The following SGCZ variants were observed in gnomAD, a reference collection of about 807,000 sequenced individuals.
The protein encoded by SGCZ is sarcoglycan zeta, also known as zeta-sarcoglycan.
A neutral mutation model predicts 41.3 loss-of-function variants in SGCZ; 40 were observed. The ratio of observed to expected loss-of-function variants is 0.97; its 90% CI spans 0.75 to 1.26. The LOEUF (loss-of-function observed/expected upper bound fraction) is 1.26, where lower values mean the gene tolerates loss of function less well. SGCZ is among the 50% of genes most tolerant of loss of function. The pLI is 0.00. For missense variants in SGCZ, 552 were observed against 369.8 expected, an observed-to-expected ratio of 1.49 and a Z score of -4.04; for synonymous variants, 206 against 137.5, an observed-to-expected ratio of 1.50 and a Z score of -3.49.
chr8:14,566,018 G>A (rs1352670927), intron 1 of SGCZ, among the ~76,000 whole-genome samples: 5 of 151,986 alleles, frequency 3.3e-5, no homozygotes, highest in African/African-American at 4.8e-5. Flanking sequence ...TGGGAAATTC[G>A]TTCTGCTTTG....
intron 1 of SGCZ, among the ~76,000 whole-genome samples, chr8:14,630,401 G>C (rs1213917445): frequency 6.6e-6 from 1 of 151,936 alleles, no homozygotes; most frequent in Non-Finnish European, 1.5e-5. Context: ...TGGAGAAATA[G>C]GAAGATTTTT....
chr8:14,513,931 A>C (rs953960520), intron 2 of SGCZ, among the ~76,000 whole-genome samples: 2 of 152,104 alleles, frequency 1.3e-5, no homozygotes, highest in Non-Finnish European at 2.9e-5. Context: ...ATGGTCTTGA[A>C]AGACCCAGCC....
chr8:14,221,195 G>T (rs1461924472), intron 4 of SGCZ, among the ~76,000 whole-genome samples: 2 of 152,180 alleles, frequency 1.3e-5, no homozygotes, highest in Non-Finnish European at 2.9e-5. Flanking sequence ...AAGCATATGT[G>T]TATGTGTGTG....
intron 4 of SGCZ, among the ~76,000 whole-genome samples, chr8:14,168,744 G>A (rs1478025): frequency 1.3e-5 from 2 of 152,028 alleles, no homozygotes; most frequent in African/African-American, 4.8e-5. Context: ...CCCTATGCTA[G>A]TCATTAAGAA....
At chr8:14,263,607 A>C (rs978133986) in intron 3 of SGCZ, among the ~76,000 whole-genome samples, 1 of 152,114 alleles carries the variant, frequency 6.6e-6, no homozygotes, top group Non-Finnish European at 1.5e-5. Context: ...AAAAATCAGC[A>C]AAGAAGAGGC....
intron 2 of SGCZ, among the ~76,000 whole-genome samples, chr8:14,399,001 A>G (rs1228424630): frequency 6.6e-6 from 1 of 152,124 alleles, no homozygotes; most frequent in Non-Finnish European, 1.5e-5. Flanking sequence ...ACTTGAAATT[A>G]TTAACAATTT....
chr8:14,907,300 T>A (rs1799149961), intron 1 of SGCZ, among the ~76,000 whole-genome samples: 1 of 152,042 alleles, frequency 6.6e-6, no homozygotes, highest in Non-Finnish European at 1.5e-5. Flanking sequence ...CCTCAAGGGA[T>A]CCTCTCACCT....
At chr8:14,758,272 T>A (rs931292902) in intron 1 of SGCZ, among the ~76,000 whole-genome samples, 1 of 152,206 alleles carries the variant, frequency 6.6e-6, no homozygotes, top group African/African-American at 2.4e-5. Flanking sequence ...ATGGTGCATA[T>A]AAGAGTGAGG....
intron 1 of SGCZ, among the ~76,000 whole-genome samples, chr8:14,792,693 A>T (rs1800994678): frequency 6.6e-6 from 1 of 152,004 alleles, no homozygotes. Flanking sequence ...CATTAGGTAT[A>T]TGTCCTAATG....
chr8:14,724,215 T>C (rs1053310254), intron 1 of SGCZ, among the ~76,000 whole-genome samples: 8 of 152,040 alleles, frequency 5.3e-5, no homozygotes, highest in Non-Finnish European at 1.2e-4. Flanking sequence ...GCTGTACTAT[T>C]TAGAGGCAAG....
At chr8:14,324,891 A>C (rs1348694661) in intron 2 of SGCZ, among the ~76,000 whole-genome samples, 2 of 152,206 alleles carry the variant, frequency 1.3e-5, no homozygotes, top group Admixed American at 1.3e-4. Flanking sequence ...TAAAGTTGTT[A>C]AGAATGTGGA....
At chr8:14,712,584 G>A (rs973698902) in intron 1 of SGCZ, among the ~76,000 whole-genome samples, 7 of 152,130 alleles carry the variant, frequency 4.6e-5, no homozygotes, top group Admixed American at 1.3e-4. Context: ...TCTCTGAGAT[G>A]GAAGCAATTC....
chr8:14,587,239 T>C (rs1805088821), intron 1 of SGCZ, among the ~76,000 whole-genome samples: 1 of 151,972 alleles, frequency 6.6e-6, no homozygotes, highest in African/African-American at 2.4e-5. Flanking sequence ...AAACTTCTAC[T>C]ATATCTTAGT....
intron 2 of SGCZ, among the ~76,000 whole-genome samples, chr8:14,349,863 A>C (rs1208650824): frequency 6.6e-6 from 1 of 152,168 alleles, no homozygotes; most frequent in African/African-American, 2.4e-5. Flanking sequence ...TAAGTTAGAA[A>C]TCATATATCC....
chr8:14,887,106 T>A (rs1000886412), intron 1 of SGCZ, among the ~76,000 whole-genome samples: 1 of 152,104 alleles, frequency 6.6e-6, no homozygotes, highest in Non-Finnish European at 1.5e-5. Context: ...ATTCTCCACA[T>A]CCTTATGTTG....
intron 5 of SGCZ, among the ~76,000 whole-genome samples, chr8:14,124,254 A>AT (rs1802784692): frequency 2.0e-5 from 3 of 151,966 alleles, no homozygotes; most frequent in African/African-American, 4.8e-5. Flanking sequence ...AGCTTGAAAT[A>AT]TTTTTTCCTT....
chr8:14,462,581 G>A lies in SGCZ; in HGVS notation c.234+92151C>T, dbSNP rs115490679. Among the ~76,000 whole-genome samples the A allele has an allele frequency of 4.5e-3, 682 of 151,952 alleles. 8 individuals carry two copies. Among genetic ancestry groups the A allele is most frequent in the African/African-American group, 0.015 (628 of 41,498 alleles). On this transcript the variant is annotated intron_variant, in intron 2 of 7. Transcript: ENST00000382080. ...TCTGTATTCTATTCCATTGGTCTATGTGCCTATTTTTGCCAGTACCACACT... is the reference window on the plus strand; with the variant it reads ...TCTGTATTCTATTCCATTGGTCTATATGCCTATTTTTGCCAGTACCACACT...
intron 1 of SGCZ, among the ~76,000 whole-genome samples, chr8:15,081,890 T>C (rs777589595): frequency 1.3e-5 from 2 of 152,202 alleles, no homozygotes; most frequent in East Asian, 1.9e-4. Flanking sequence ...AAAACCAAAG[T>C]TGAACGAGGA....
intron 1 of SGCZ, among the ~76,000 whole-genome samples, chr8:14,700,963 T>A (rs985142053): frequency 1.3e-5 from 2 of 151,770 alleles, no homozygotes; most frequent in African/African-American, 4.8e-5. Flanking sequence ...ATAAAGAGGC[T>A]CACATAATTA....
Sources: gnomAD v4.1 joint callset for allele counts (sites outside exome capture counted in the v4.1 genomes callset) on GRCh38, gnomAD v4.1.1 for gene constraint, MANE v1.5 for transcripts, NCBI Gene and HGNC (gene_info 2026-07-23, HGNC 2026-07-21) for gene names.